Variants in ESRRB observed in about 807,000 individuals in gnomAD.
The protein encoded by ESRRB is estrogen related receptor beta.
ESRRB carries 16 observed loss-of-function variants against 46.0 expected under a neutral mutation model. The observed-to-expected ratio is 0.35, with a 90% CI of 0.24 to 0.53. The LOEUF is 0.53. Among genes scored for constraint, ESRRB ranks in the 20% least tolerant of loss-of-function variants. ESRRB has a pLI of 0.93. For synonymous variants in ESRRB, 246 were observed against 259.6 expected (o/e 0.95, Z 0.50); for missense variants, 488 against 607.4 (o/e 0.80, Z 2.07).
intron 1 of ESRRB, among the ~76,000 whole-genome samples, chr14:76,323,101 C>G (rs1883887179): frequency 6.6e-6 from 1 of 152,116 alleles, no homozygotes; most frequent in South Asian, 2.1e-4. Flanking sequence ...GTTTAGAAGT[C>G]CCTGATGTGA....
At chr14:76,330,011 G>C (rs551201257) in intron 1 of ESRRB, among the ~76,000 whole-genome samples, 23 of 151,448 alleles carry the variant, frequency 1.5e-4, no homozygotes, top group African/African-American at 5.1e-4. Context: ...TGTGGCTGAG[G>C]GTGGGGTGGG....
At chr14:76,311,431 G>A (rs1232041463) in intron 1 of ESRRB, among the ~76,000 whole-genome samples, 2 of 152,148 alleles carry the variant, frequency 1.3e-5, no homozygotes, top group East Asian at 3.9e-4. Flanking sequence ...GAGCTTCCAG[G>A]TTCAGGGAGA....
At chr14:76,412,120 C>T (rs1031636482) in intron 1 of ESRRB, among the ~76,000 whole-genome samples, 2 of 152,180 alleles carry the variant, frequency 1.3e-5, no homozygotes, top group Non-Finnish European at 2.9e-5. Context: ...CTGCTGTTTA[C>T]CTGGCATTCT....
rs151032654 is a variant in ESRRB at position 76,407,630 on chromosome 14, A to G, written c.50+31179A>G. ...GGTCCAGTCGGGCCAGCAGGGCCAC[A>G]TGGCCGATTCACACTCAGTCCAAAA... On this transcript the variant is annotated intron_variant, in intron 1 of 6. Transcript: ENST00000644823. The G allele has an allele frequency of 8.4e-3, 8,024 of 957,718 alleles. 50 individuals carry two copies. The highest frequency in any genetic ancestry group is 0.018 in the Middle Eastern group (33 of 1,850). The allele number at this position is 957,718 out of a possible 1,614,324, so 59.3% of individuals were successfully genotyped here. A position where few individuals can be genotyped will look rare whatever the true frequency, so the allele number is the denominator to read the frequency against.
intron 1 of ESRRB, among the ~76,000 whole-genome samples, chr14:76,330,513 C>A (rs1194579061): frequency 1.3e-5 from 2 of 152,196 alleles, no homozygotes; most frequent in African/African-American, 4.8e-5. Flanking sequence ...GCCCTGGTTG[C>A]CCCCGCACTC....
intron 1 of ESRRB, among the ~76,000 whole-genome samples, chr14:76,330,314 C>T (rs1378799672): frequency 6.6e-6 from 1 of 152,206 alleles, no homozygotes; most frequent in African/African-American, 2.4e-5. Context: ...CCACGAACTC[C>T]TGGACCTACG....
chr14:76,358,397 A>AGAG (rs1566859707), intron 1 of ESRRB, among the ~76,000 whole-genome samples: 57 of 127,044 alleles, frequency 4.5e-4, no homozygotes, highest in African/African-American at 1.7e-3. Flanking sequence ...GAAAGAAAGA[A>AGAG]AGAAAGAAAG....
chr14:76,369,060 G>A (rs79661745), upstream of ESRRB, among the ~76,000 whole-genome samples: 6,059 of 151,698 alleles, frequency 0.04, 170 homozygotes, highest in East Asian at 0.12. Context: ...AGCTGGGTGC[G>A]GTGGTGCGTC....
Position 76,498,766 on chromosome 14 carries a change from T to C in ESRRB, c.*308T>C, listed in dbSNP as rs762823616. 3.5e-5 allele frequency: 26 copies of C among 733,426 alleles called. No individual in the cohort carries two copies. The highest frequency in any genetic ancestry group is 1.5e-4 in the South Asian group (11 of 74,236). 45.4% of individuals were successfully genotyped at this position (733,426 alleles called of 1,614,324 possible). ...GACTCCCTTCAGGAGTGGAGGCCACTGGAGCAAGTGCCCTCTCCCCTCCAC... is the reference window on the plus strand; with the variant it reads ...GACTCCCTTCAGGAGTGGAGGCCACCGGAGCAAGTGCCCTCTCCCCTCCAC... On this transcript the variant is annotated 3_prime_UTR_variant, in exon 7 of 7. Coordinates refer to ENST00000644823, the MANE Select transcript of ESRRB (RefSeq NM_001379180.1).
chr14:76,404,338 A>G (rs927826920), intron 1 of ESRRB: 4 of 149,154 alleles, frequency 2.7e-5, no homozygotes, highest in Admixed American at 6.7e-5. Context: ...TAAATTCTTT[A>G]TATATATTAT....
At chr14:76,416,906 C>G (rs549693108) in intron 1 of ESRRB, among the ~76,000 whole-genome samples, 1 of 152,054 alleles carries the variant, frequency 6.6e-6, no homozygotes, top group Non-Finnish European at 1.5e-5. Flanking sequence ...AACGGAGAAG[C>G]AATAAAACAA....
chr14:76,495,902 A>C (rs1347727894), intron 6 of ESRRB, among the ~76,000 whole-genome samples: 1 of 152,120 alleles, frequency 6.6e-6, no homozygotes, highest in East Asian at 1.9e-4. Flanking sequence ...CAGACCAGTA[A>C]CCTCCAGAGG....
intron 1 of ESRRB, among the ~76,000 whole-genome samples, chr14:76,320,059 C>T (rs1236170319): frequency 6.6e-6 from 1 of 152,176 alleles, no homozygotes; most frequent in Non-Finnish European, 1.5e-5. Context: ...GCCAAGCATG[C>T]TTTGGCTTCC....
intron 1 of ESRRB, among the ~76,000 whole-genome samples, chr14:76,389,014 A>G (rs909787790): frequency 6.6e-6 from 1 of 151,946 alleles, no homozygotes; most frequent in Admixed American, 6.6e-5. Context: ...GCTTATCCTC[A>G]TGTCTCTTTA....
chr14:76,350,581 T>C (rs1199546519), intron 1 of ESRRB, among the ~76,000 whole-genome samples: 1 of 152,160 alleles, frequency 6.6e-6, no homozygotes, highest in East Asian at 1.9e-4. Flanking sequence ...AGTTTTCAGA[T>C]TTGGCACTTT....
chr14:76,414,543 T>A (rs1886607617), intron 1 of ESRRB, among the ~76,000 whole-genome samples: 1 of 151,598 alleles, frequency 6.6e-6, no homozygotes, highest in South Asian at 2.1e-4. Flanking sequence ...TCTGCCTCTT[T>A]ACTTTCTTCG....
chr14:76,445,466 CAAAA>C (rs747627410), intron 2 of ESRRB, among the ~76,000 whole-genome samples: 31 of 79,772 alleles, frequency 3.9e-4, no homozygotes, highest in African/African-American at 1.0e-3. Flanking sequence ...AACTCCGTCT[CAAAA>C]AAAAAAAAAA....
In ESRRB at chr14:76,482,060, C is replaced by T. The variant is rs1064442; in HGVS notation, c.622C>T (p.Arg208Ter). Residue 208 changes from arginine to a stop codon, truncating the protein, a stop_gained, in exon 4 of 7, where the codon CGA (arginine) becomes TGA (stop). Transcript: ENST00000644823. LOFTEE classifies it high-confidence loss of function. The surrounding 1 kb of genome is among the most constrained non-coding windows in gnomAD (Gnocchi z 4.3). ...RVRGGRQKYK[R>*]RLDSESSPYL... ...GCGTGGAGGCCGTCAGAAATACAAGCGACGGCTGGACTCAGAGAGCAGCCC... is the reference window on the plus strand; with the variant it reads ...GCGTGGAGGCCGTCAGAAATACAAGTGACGGCTGGACTCAGAGAGCAGCCC... 4 of 1,614,184 alleles carry T rather than the reference C, an allele frequency of 2.5e-6. No individual in the cohort carries two copies. Among genetic ancestry groups the T allele is most frequent in the South Asian group, 1.1e-5 (1 of 91,090 alleles).
At chr14:76,489,193 C>CCT (rs1279466758) in intron 5 of ESRRB, among the ~76,000 whole-genome samples, 1 of 152,000 alleles carries the variant, frequency 6.6e-6, no homozygotes, top group East Asian at 1.9e-4. Context: ...CCCCTGCCCT[C>CCT]CTCCTCCATC....
Sources: allele counts gnomAD v4.1 joint callset (sites outside exome capture counted in the v4.1 genomes callset), GRCh38; gene constraint gnomAD v4.1.1; non-coding constraint Gnocchi (gnomAD v3.1); transcripts MANE v1.5; gene names NCBI Gene and HGNC (gene_info 2026-07-23, HGNC 2026-07-21).